The following ANKDD1B variants were observed in gnomAD, a reference collection of about 807,000 sequenced individuals.
ANKDD1B encodes the protein ankyrin repeat and death domain containing 1B.
In ANKDD1B, 57 loss-of-function variants were observed where a neutral mutation model predicts 59.7. The observed-to-expected ratio is 0.95, with a 90% confidence interval of 0.77 to 1.19. The LOEUF is 1.19. Ranked by LOEUF, ANKDD1B falls within the 50% of genes most tolerant of loss-of-function variation. The pLI is 0.00. For missense variants in ANKDD1B, 602 were observed against 641.9 expected (o/e 0.94, Z 0.67); for synonymous variants, 216 against 239.5 (o/e 0.90, Z 0.91).
chr5:75,644,425 A>C (rs1490914172), intron 7 of ANKDD1B, among the ~76,000 whole-genome samples: 2 of 79,590 alleles, frequency 2.5e-5, no homozygotes, highest in Non-Finnish European at 4.2e-5. Context: ...AATGGAAAAC[A>C]AAAAAAGGCA....
intron 7 of ANKDD1B, among the ~76,000 whole-genome samples, chr5:75,650,594 TA>T (rs904541623): frequency 3.3e-5 from 5 of 152,190 alleles, no homozygotes; most frequent in African/African-American, 9.6e-5. Flanking sequence ...AAAACTAATA[TA>T]GGGGCCATTT....
chr5:75,625,629 T>G lies in ANKDD1B; in HGVS notation c.397-18T>G, dbSNP rs1773972152. 1 of 1,532,960 alleles carries G rather than the reference T, an allele frequency of 6.5e-7. No individual in the cohort carries two copies. The highest frequency in any genetic ancestry group is 1.4e-5 in the African/African-American group (1 of 73,094). 95.0% of individuals were successfully genotyped at this position (1,532,960 alleles called of 1,614,324 possible). On this transcript the variant is annotated intron_variant, in intron 3 of 13. Coordinates refer to ENST00000601380, the MANE Select transcript of ANKDD1B (RefSeq NM_001276713.2). ...TTGTCAGAGTGATAGATTCTCTTTT[T>G]CTGTCTTCTTGGGGAAGCACGGCTT...
chr5:75,625,866 C>T lies in ANKDD1B; in HGVS notation c.511C>T (p.Leu171Phe). Residue 171 changes from leucine (L) to phenylalanine (F), a missense_variant, in exon 5 of 14, where the codon CTC (leucine) becomes TTC (phenylalanine). By Grantham distance (22) the Leu-to-Phe change is conservative. Coordinates refer to ENST00000601380, the MANE Select transcript of ANKDD1B (RefSeq NM_001276713.2). ...RAKNQDGMSA[L>F]HFATQSNHVR... Reference sequence around the variant, plus strand: ...TTCTCTTCAGGATGGAATGAGCGCCCTCCACTTTGCCACTCAGAGCAATCA... The same window carrying T: ...TTCTCTTCAGGATGGAATGAGCGCCTTCCACTTTGCCACTCAGAGCAATCA... 2 of 1,536,284 alleles carry T rather than the reference C, an allele frequency of 1.3e-6. No homozygotes were observed. Among genetic ancestry groups the T allele is most frequent in the Non-Finnish European group, 1.7e-6 (2 of 1,146,846 alleles).
rs146965625 is a variant in ANKDD1B, at chr5:75,612,594, G to T, written c.193+767G>T. On this transcript the variant is annotated intron_variant, in intron 1 of 13. Coordinates refer to ENST00000601380, the MANE Select transcript of ANKDD1B (RefSeq NM_001276713.2). Reference sequence around the variant, plus strand: ...AGTCATTCTAGAACTATTTTCAAGGGCTTAACTATTTGCTAGGCATGTTCT... The same window carrying T: ...AGTCATTCTAGAACTATTTTCAAGGTCTTAACTATTTGCTAGGCATGTTCT... 1.5e-3 allele frequency among the ~76,000 whole-genome samples: 225 copies of T among 152,144 alleles called. 1 individual carries two copies. Among genetic ancestry groups the T allele is most frequent in the Admixed American group, 7.4e-3 (113 of 15,284 alleles).
chr5:75,634,459 A>G (rs1233390260), intron 5 of ANKDD1B, among the ~76,000 whole-genome samples: 2 of 152,252 alleles, frequency 1.3e-5, no homozygotes, highest in African/African-American at 4.8e-5. Flanking sequence ...AATGAGCCAC[A>G]TAAATAATAA....
Position 75,611,519 on chromosome 5 carries a change from T to C in ANKDD1B, c.-116T>C. 1.2e-6 allele frequency: 1 copy of C among 822,190 alleles called. No homozygotes were observed. Among genetic ancestry groups the C allele is most frequent in the Middle Eastern group, 4.2e-4 (1 of 2,402 alleles). The allele number at this position is 822,190 out of a possible 1,614,324, so 50.9% of individuals were successfully genotyped here. ...TGCGCTCCGGCCGGGCTGACCTGCC[T>C]GCGTCCAGCCCCCGCGCCCTGGGCC... On this transcript the variant is annotated 5_prime_UTR_variant, in exon 1 of 14. Coordinates refer to ENST00000601380, the MANE Select transcript of ANKDD1B (RefSeq NM_001276713.2).
intron 11 of ANKDD1B, among the ~76,000 whole-genome samples, 184 bp downstream of exon 11, chr5:75,663,673 T>C (rs1047049564): frequency 2.6e-5 from 4 of 152,234 alleles, no homozygotes; most frequent in Non-Finnish European, 5.9e-5. Context: ...CCTCTTCCTT[T>C]GTGGACATCA....
chr5:75,649,111 C>T (rs560271129), intron 7 of ANKDD1B, among the ~76,000 whole-genome samples: 105 of 151,886 alleles, frequency 6.9e-4, no homozygotes, highest in African/African-American at 2.5e-3. Context: ...TTTGTAGGTC[C>T]TAAAAACTCA....
intron 2 of ANKDD1B, among the ~76,000 whole-genome samples, chr5:75,620,096 T>C (rs980523092): frequency 6.6e-6 from 1 of 152,190 alleles, no homozygotes; most frequent in African/African-American, 2.4e-5. Context: ...TTGCGGCGTG[T>C]CCTTCAGTGG....
intron 11 of ANKDD1B, 142 bp from the exon 12 acceptor site, chr5:75,666,650 A>G (rs1775313490): frequency 5.0e-6 from 3 of 605,466 alleles, no homozygotes; most frequent in Non-Finnish European, 5.6e-6. Flanking sequence ...AAAAATATAT[A>G]TATGATCCAG....
chr5:75,642,152 C>CA (rs1466904456), intron 7 of ANKDD1B, among the ~76,000 whole-genome samples: 15 of 152,050 alleles, frequency 9.9e-5, no homozygotes, highest in African/African-American at 3.6e-4. Context: ...AGAGGAAAAT[C>CA]AAAGTAGTGT....
At chr5:75,635,551 A>C (rs1774276293) in intron 6 of ANKDD1B, 1 of 352,124 alleles carries the variant, frequency 2.8e-6, no homozygotes, top group African/African-American at 2.1e-5. Context: ...TAGCAAAGTT[A>C]GAACAAGGAG....
At chr5:75,664,446 A>ACGG (rs1775255740) in intron 11 of ANKDD1B, among the ~76,000 whole-genome samples, 1 of 152,162 alleles carries the variant, frequency 6.6e-6, no homozygotes. Context: ...TATTTTAACA[A>ACGG]TTGGAACTCT....
At chr5:75,649,002 C>T (rs562253709) in intron 7 of ANKDD1B, among the ~76,000 whole-genome samples, 6 of 152,082 alleles carry the variant, frequency 3.9e-5, no homozygotes, top group Non-Finnish European at 8.8e-5. Context: ...TAGTTGACAC[C>T]TGGCTTCCTC....
At chr5:75,664,486 A>G (rs764775834) in intron 11 of ANKDD1B, among the ~76,000 whole-genome samples, 21 of 152,212 alleles carry the variant, frequency 1.4e-4, no homozygotes, top group Non-Finnish European at 2.5e-4. Context: ...TCATATTTCT[A>G]TGTTCTTCCA....
intron 12 of ANKDD1B, among the ~76,000 whole-genome samples, chr5:75,668,254 A>G (rs943808198): frequency 6.6e-6 from 1 of 152,140 alleles, no homozygotes; most frequent in Non-Finnish European, 1.5e-5. Flanking sequence ...TCTCTAAGCC[A>G]TGCATGTTTG....
At chr5:75,664,717 C>T (rs1775262032) in intron 11 of ANKDD1B, among the ~76,000 whole-genome samples, 1 of 151,932 alleles carries the variant, frequency 6.6e-6, no homozygotes, top group African/African-American at 2.4e-5. Context: ...AATTACTTTC[C>T]CACCAAATGA....
intron 5 of ANKDD1B, among the ~76,000 whole-genome samples, chr5:75,629,971 A>G (rs1465743303): frequency 6.6e-6 from 1 of 152,088 alleles, no homozygotes; most frequent in East Asian, 1.9e-4. Flanking sequence ...TTAATAGAGG[A>G]AAAAAAGAAC....
intron 11 of ANKDD1B, among the ~76,000 whole-genome samples, chr5:75,665,388 C>G (rs1036987720): frequency 6.6e-6 from 1 of 152,168 alleles, no homozygotes; most frequent in Admixed American, 6.5e-5. Context: ...CTTCCCTTTC[C>G]CTTGTGACAT....
Sources: gnomAD v4.1 joint callset for allele counts (sites outside exome capture counted in the v4.1 genomes callset) on GRCh38, gnomAD v4.1.1 for gene constraint, MANE v1.5 for transcripts, NCBI Gene and HGNC (gene_info 2026-07-23, HGNC 2026-07-21) for gene names.